CCR5AS: variants seen among roughly 807,000 people sequenced by gnomAD.
The protein encoded by CCR5AS is CCR5 antisense RNA.
chr3:46,401,035 T>G (rs1379965008), intron 1 of CCR5AS, among the ~76,000 whole-genome samples: 3 of 152,128 alleles, frequency 2.0e-5, no homozygotes, highest in Non-Finnish European at 4.4e-5. Flanking sequence ...AGAATTCAGG[T>G]TCCAGAGACA....
chr3:46,368,240 G>A (rs547721330), intron 3 of CCR5AS, among the ~76,000 whole-genome samples: 1 of 152,328 alleles, frequency 6.6e-6, no homozygotes, highest in East Asian at 1.9e-4. Context: ...GGAGTCTAGA[G>A]TGACAAAGTG....
intron 1 of CCR5AS, among the ~76,000 whole-genome samples, chr3:46,393,826 T>A (rs904739450): frequency 2.0e-5 from 3 of 152,234 alleles, no homozygotes; most frequent in African/African-American, 7.2e-5. Context: ...AGCTAAAACC[T>A]GAGAACCAAG....
intron 2 of CCR5AS, among the ~76,000 whole-genome samples, chr3:46,389,891 T>C (rs1397326274): frequency 6.6e-6 from 1 of 152,014 alleles, no homozygotes; most frequent in Non-Finnish European, 1.5e-5. Flanking sequence ...ATGTGTATGT[T>C]GATGGAGCAT....
chr3:46,372,767 A>T, intron 2 of CCR5AS: 1 of 651,820 alleles, frequency 1.5e-6, no homozygotes. Flanking sequence ...AAAGAGAGTT[A>T]ATTCAATGTA....
intron 3 of CCR5AS, among the ~76,000 whole-genome samples, chr3:46,365,572 A>G (rs544690095): frequency 1.2e-3 from 184 of 152,294 alleles, no homozygotes; most frequent in Admixed American, 2.0e-3. Flanking sequence ...CAATCTCACC[A>G]AGGTGTGCCT....
chr3:46,386,013 G>A (rs1009979749), intron 2 of CCR5AS, among the ~76,000 whole-genome samples: 4 of 152,060 alleles, frequency 2.6e-5, no homozygotes, highest in African/African-American at 7.2e-5. Context: ...CCAGGCTCAA[G>A]CAATCCTCCA....
rs765239542 is a variant in CCR5AS at position 46,373,467 on chromosome 3, T to A, written n.392-2050A>T. 6 of 1,316,418 alleles carry A rather than the reference T, an allele frequency of 4.6e-6. No individual in the cohort carries two copies. The Admixed American group carries it at 8.9e-5, about 20-fold the overall frequency. 81.5% of individuals were successfully genotyped at this position (1,316,418 alleles called of 1,614,324 possible). On this transcript the variant is annotated intron_variant and non_coding_transcript_variant, in intron 2 of 3. Transcript: ENST00000451485. ...TCATTTTCCATACAGTCAGTATCAA[T>A]TCTGGAAGAATTTCCAGACATTAAA...
chr3:46,397,411 G>T (rs1354178712), intron 1 of CCR5AS, among the ~76,000 whole-genome samples: 19 of 152,194 alleles, frequency 1.2e-4, no homozygotes, highest in Admixed American at 1.2e-3. Context: ...ACTTAAGTAG[G>T]GCAACTGAGG....
At chr3:46,370,697 C>A (rs575169866) in intron 3 of CCR5AS, among the ~76,000 whole-genome samples, 1 of 152,188 alleles carries the variant, frequency 6.6e-6, no homozygotes, top group East Asian at 1.9e-4. Context: ...TATTTTCTAA[C>A]AGATTCTGTG....
chr3:46,397,858 G>T (rs1413454300), intron 1 of CCR5AS, among the ~76,000 whole-genome samples: 2 of 152,178 alleles, frequency 1.3e-5, no homozygotes, highest in African/African-American at 2.4e-5. Flanking sequence ...TACAACAAAC[G>T]GTCATTGAAA....
At chr3:46,400,260 G>A (rs1293746145) in intron 1 of CCR5AS, among the ~76,000 whole-genome samples, 1 of 152,140 alleles carries the variant, frequency 6.6e-6, no homozygotes, top group Admixed American at 6.5e-5. Context: ...CAAAGTGCTG[G>A]GATTACAAGC....
intron 1 of CCR5AS, among the ~76,000 whole-genome samples, chr3:46,397,003 C>T (rs898665568): frequency 1.3e-5 from 2 of 152,166 alleles, no homozygotes; most frequent in Non-Finnish European, 2.9e-5. Flanking sequence ...CTTTTCTTGC[C>T]CCATCTCTGA....
chr3:46,366,909 G>A (rs1013484039), intron 3 of CCR5AS, among the ~76,000 whole-genome samples: 1 of 152,166 alleles, frequency 6.6e-6, no homozygotes, highest in Non-Finnish European at 1.5e-5. Context: ...TCTTGACAGG[G>A]ATGTCAGAGC....
rs150887033 is a variant in CCR5AS at position 46,396,391 on chromosome 3, G to A, written n.164-3339C>T. Among the ~76,000 whole-genome samples the A allele has an allele frequency of 1.1e-3, 173 of 152,190 alleles. 4 individuals carry two copies. The East Asian group carries it at 0.026, about 23-fold the overall frequency. Reference sequence around the variant, plus strand: ...CAGTGTGCCCACATGTGGGTTCCACGGTCTTGTGACATTGTGGCTTTAGAA... The same window carrying A: ...CAGTGTGCCCACATGTGGGTTCCACAGTCTTGTGACATTGTGGCTTTAGAA... On this transcript the variant is annotated intron_variant and non_coding_transcript_variant, in intron 1 of 3. Transcript: ENST00000451485.
chr3:46,367,567 C>T (rs1344456778), intron 3 of CCR5AS, among the ~76,000 whole-genome samples: 1 of 152,040 alleles, frequency 6.6e-6, no homozygotes, highest in Non-Finnish European at 1.5e-5. Context: ...TATAATTAGA[C>T]ATTTTGTTTG....
intron 2 of CCR5AS, chr3:46,373,805 G>A (rs756597818): frequency 2.0e-5 from 32 of 1,613,782 alleles, no homozygotes; most frequent in Non-Finnish European, 2.7e-5. Flanking sequence ...CCTTTGTCGG[G>A]GAGAAGTTCA....
At chr3:46,395,465 A>G (rs34203322) in intron 1 of CCR5AS, among the ~76,000 whole-genome samples, 10,332 of 152,186 alleles carry the variant, frequency 0.068, 530 homozygotes, top group South Asian at 0.2. Flanking sequence ...GAAAGAGCCA[A>G]ATCCGGGGGA....
chr3:46,376,224 C>T (rs1701756127), intron 2 of CCR5AS: 2 of 160,050 alleles, frequency 1.2e-5, no homozygotes, highest in African/African-American at 4.8e-5. Flanking sequence ...TATTCTTGCT[C>T]TTTCAGTCAA....
Position 46,373,784 on chromosome 3 carries a change from C to T in CCR5AS, n.392-2367G>A, listed in dbSNP as rs368391698. The T allele has an allele frequency of 6.2e-6, 10 of 1,613,778 alleles. No individual in the cohort carries two copies. The African/African-American group carries it at 1.3e-4, about 22-fold the overall frequency. The stretch of plus-strand genomic sequence containing the variant: ...GGATGACGCACTGCTGCATCAACCC[C>T]ATCATCTATGCCTTTGTCGGGGAGA... On this transcript the variant is annotated intron_variant and non_coding_transcript_variant, in intron 2 of 3. Coordinates refer to ENST00000451485, the Ensembl canonical transcript of CCR5AS.
Sources: gnomAD v4.1 joint callset for allele counts (sites outside exome capture counted in the v4.1 genomes callset) on GRCh38, gnomAD v4.1.1 for gene constraint, MANE v1.5 for transcripts, NCBI Gene and HGNC (gene_info 2026-07-23, HGNC 2026-07-21) for gene names.